NFATC1: variants seen among roughly 807,000 people sequenced by gnomAD.
NFATC1 encodes nuclear factor of activated T cells 1, also known as nuclear factor of activated T-cells, cytoplasmic 1.
A neutral mutation model predicts 76.0 loss-of-function variants in NFATC1; 22 were observed. That is an observed-to-expected ratio of 0.29 (90% confidence interval 0.21 to 0.41). The LOEUF is 0.41. Ranked by LOEUF, NFATC1 falls within the 10% of genes least tolerant of loss-of-function variation. The probability of loss-of-function intolerance (pLI) is 1.00; values close to 1 mark genes in which losing one functional copy is unlikely to be tolerated. For missense variants in NFATC1, 1,357 were observed against 1,337.7 expected, an observed-to-expected ratio of 1.01 and a Z score of -0.23; for synonymous variants, 704 against 613.1, an observed-to-expected ratio of 1.15 and a Z score of -2.19.
intron 3 of NFATC1, among the ~76,000 whole-genome samples, chr18:79,447,292 G>A (rs1257988511): frequency 1.3e-5 from 2 of 152,174 alleles, no homozygotes; most frequent in African/African-American, 2.4e-5. Context: ...GGGCTCCCCC[G>A]CCTTCTCCCT....
intron 2 of NFATC1, among the ~76,000 whole-genome samples, chr18:79,415,430 C>T (rs886376243): frequency 1.3e-5 from 2 of 152,060 alleles, no homozygotes; most frequent in Non-Finnish European, 2.9e-5. Context: ...CTACAGGCGC[C>T]CACCACCGCG....
chr18:79,401,415 C>G (rs916098049), intron 1 of NFATC1, among the ~76,000 whole-genome samples: 1 of 152,312 alleles, frequency 6.6e-6, no homozygotes, highest in African/African-American at 2.4e-5. Context: ...CAAACCTGTG[C>G]TGCCTGCGGT....
intron 1 of NFATC1, among the ~76,000 whole-genome samples, chr18:79,407,299 G>A (rs1290959282): frequency 3.3e-5 from 5 of 152,318 alleles, no homozygotes; most frequent in South Asian, 2.1e-4. Context: ...CAGAGCTGGC[G>A]TCTTGCAGCT....
intron 1 of NFATC1, among the ~76,000 whole-genome samples, chr18:79,409,503 A>T (rs1020401447): frequency 2.7e-5 from 4 of 149,168 alleles, no homozygotes; most frequent in African/African-American, 9.9e-5. Context: ...TCATCCATCC[A>T]TCCGTTTAGC....
intron 9 of NFATC1, among the ~76,000 whole-genome samples, chr18:79,521,563 T>A (rs2090571416): frequency 2.7e-5 from 3 of 112,656 alleles, no homozygotes; most frequent in African/African-American, 3.5e-5. Context: ...GGGCATCCAC[T>A]GATGTGTGTG....
intron 2 of NFATC1, among the ~76,000 whole-genome samples, chr18:79,432,565 G>C (rs1198932630): frequency 1.3e-5 from 2 of 152,236 alleles, no homozygotes; most frequent in Non-Finnish European, 2.9e-5. Flanking sequence ...CAGACTGAGC[G>C]GGAGAGGAGG....
intron 3 of NFATC1, among the ~76,000 whole-genome samples, chr18:79,444,351 C>T (rs915350180): frequency 6.6e-6 from 1 of 152,228 alleles, no homozygotes; most frequent in South Asian, 2.1e-4. Flanking sequence ...GTCCCCGTTC[C>T]TCCCGTTCCT....
At chr18:79,460,058 T>C (rs745656961) in intron 6 of NFATC1, among the ~76,000 whole-genome samples, 1 of 152,206 alleles carries the variant, frequency 6.6e-6, no homozygotes, top group African/African-American at 2.4e-5. Flanking sequence ...TGCCAGGCTC[T>C]ATCGAGTGGG....
At chr18:79,448,044 G>T (rs1444822170) in intron 3 of NFATC1, among the ~76,000 whole-genome samples, 1 of 152,226 alleles carries the variant, frequency 6.6e-6, no homozygotes, top group Non-Finnish European at 1.5e-5. Context: ...CACCGGGGCT[G>T]CTCCATTTGT....
intron 2 of NFATC1, among the ~76,000 whole-genome samples, chr18:79,416,782 G>A (rs1050394025): frequency 8.5e-5 from 13 of 152,206 alleles, no homozygotes; most frequent in Non-Finnish European, 1.5e-4. Context: ...TCGAAGCCAC[G>A]TCGCCCTGGC....
At chr18:79,494,065 C>T (rs1314278865) in intron 9 of NFATC1, among the ~76,000 whole-genome samples, 1 of 152,230 alleles carries the variant, frequency 6.6e-6, no homozygotes, top group Non-Finnish European at 1.5e-5. Context: ...CCACCAGAGG[C>T]CGCGTCCAAA....
At chr18:79,436,836 A>G (rs2086796402) in intron 3 of NFATC1, among the ~76,000 whole-genome samples, 2 of 151,912 alleles carry the variant, frequency 1.3e-5, no homozygotes, top group African/African-American at 2.4e-5. Context: ...GAAGGAGGCC[A>G]GCCCCCTCCA....
intron 2 of NFATC1, among the ~76,000 whole-genome samples, chr18:79,413,802 C>T (rs1016706033): frequency 2.6e-5 from 4 of 152,134 alleles, no homozygotes; most frequent in African/African-American, 9.7e-5. Flanking sequence ...CCACCTTGGA[C>T]CTGTGTTTGG....
At chr18:79,520,315 C>T (rs961799926) in intron 9 of NFATC1, among the ~76,000 whole-genome samples, 4 of 151,764 alleles carry the variant, frequency 2.6e-5, no homozygotes, top group Admixed American at 1.3e-4. Flanking sequence ...CGGTGTGTCT[C>T]GGTGTTGATT....
chr18:79,469,464 T>G (rs1331803629), intron 8 of NFATC1: 1 of 985,298 alleles, frequency 1.0e-6, no homozygotes, highest in Non-Finnish European at 1.2e-6. Context: ...GGCCACAGCA[T>G]GAAGCCGGTG....
chr18:79,522,394 A>T (rs1227805988), intron 9 of NFATC1, among the ~76,000 whole-genome samples: 4 of 59,336 alleles, frequency 6.7e-5, no homozygotes, highest in Non-Finnish European at 1.2e-4. Context: ...GGGTGCGTCC[A>T]CGGATTGTGT....
intron 1 of NFATC1, chr18:79,400,383 C>CCGGCCG (rs1166532225): frequency 1.4e-6 from 2 of 1,480,356 alleles, no homozygotes; most frequent in South Asian, 2.6e-5. Flanking sequence ...GGCCCCGGCC[C>CCGGCCG]GACCCGCCAT....
intron 1 of NFATC1, among the ~76,000 whole-genome samples, chr18:79,403,119 A>G (rs1196837388): frequency 4.6e-5 from 7 of 152,364 alleles, no homozygotes; most frequent in Middle Eastern, 3.4e-3. Flanking sequence ...TGGGGGCTGC[A>G]GCCGCAGGGT....
rs138171217 is a variant in NFATC1 at position 79,494,194 on chromosome 18, G to A, written c.2782+7257G>A. Among the ~76,000 whole-genome samples the A allele has an allele frequency of 2.7e-3, 407 of 151,574 alleles. 2 individuals carry two copies. The highest frequency in any genetic ancestry group is 9.6e-3 in the African/African-American group (394 of 41,018). On this transcript the variant is annotated intron_variant, in intron 9 of 9. Coordinates refer to ENST00000427363, the MANE Select transcript of NFATC1 (RefSeq NM_001278669.2). The stretch of plus-strand genomic sequence containing the variant: ...AGCGACCGCGAGGGACAGTGAGAAA[G>A]GCGAGAGCGGGCACACGCCCCCCAT...
Sources: gnomAD v4.1 joint callset for allele counts (sites outside exome capture counted in the v4.1 genomes callset) on GRCh38, gnomAD v4.1.1 for gene constraint, MANE v1.5 for transcripts, NCBI Gene and HGNC (gene_info 2026-07-23, HGNC 2026-07-21) for gene names.